CDH13: variants seen among roughly 807,000 people sequenced by gnomAD.
The protein encoded by CDH13 is cadherin 13.
Under a neutral mutation model 63.8 loss-of-function variants are expected in CDH13, and 24 were observed. That is an observed-to-expected ratio of 0.38 (90% CI 0.27 to 0.53). The LOEUF (loss-of-function observed/expected upper bound fraction) is 0.53. CDH13 is among the 20% of genes least tolerant of loss of function. CDH13 has a pLI of 0.85. For missense variants in CDH13, 1,049 were observed against 903.1 expected (o/e 1.16, Z -2.07); for synonymous variants, 503 against 355.3 (o/e 1.42, Z -4.67).
intron 4 of CDH13, among the ~76,000 whole-genome samples, chr16:83,188,602 C>G (rs1184299965): frequency 6.6e-6 from 1 of 152,118 alleles, no homozygotes; most frequent in Non-Finnish European, 1.5e-5. Flanking sequence ...CCAAACCTGT[C>G]CTTTTTCTAC....
intron 1 of CDH13, among the ~76,000 whole-genome samples, chr16:82,857,537 A>G (rs1199636130): frequency 6.6e-6 from 1 of 152,188 alleles, no homozygotes; most frequent in Non-Finnish European, 1.5e-5. Flanking sequence ...TATACATCTC[A>G]TACATTATGT....
intron 5 of CDH13, among the ~76,000 whole-genome samples, chr16:83,280,799 A>G (rs1275645958): frequency 1.3e-5 from 2 of 152,230 alleles, no homozygotes; most frequent in Non-Finnish European, 2.9e-5. Flanking sequence ...ACACAAAAAC[A>G]TTACTCTTGG....
chr16:82,936,171 G>T lies in CDH13; in HGVS notation c.157+77698G>T, dbSNP rs552393005. Among the ~76,000 whole-genome samples the T allele has an allele frequency of 2.5e-3, 373 of 152,242 alleles. 1 individual carries two copies. Among genetic ancestry groups the T allele is most frequent in the Non-Finnish European group, 4.4e-3 (302 of 68,024 alleles). ...TGAACATGTCTAGTCCTTAGTTCCT[G>T]CCAGCATTCACCTGTGCAAGTCTCC... On this transcript the variant is annotated intron_variant, in intron 2 of 13. Coordinates refer to ENST00000567109, the MANE Select transcript of CDH13 (RefSeq NM_001257.5).
chr16:83,570,847 T>A (rs1336674637), intron 7 of CDH13, among the ~76,000 whole-genome samples: 1 of 140,448 alleles, frequency 7.1e-6, no homozygotes, highest in Non-Finnish European at 1.5e-5. Context: ...TATTTTTATA[T>A]ATATAAATAT....
intron 1 of CDH13, among the ~76,000 whole-genome samples, chr16:82,789,816 C>T (rs944084039): frequency 1.3e-5 from 2 of 152,078 alleles, no homozygotes; most frequent in East Asian, 3.9e-4. Context: ...GTCTCAGGTC[C>T]CAATAGCAGT....
At chr16:83,081,434 C>T (rs1366159179) in intron 3 of CDH13, among the ~76,000 whole-genome samples, 1 of 147,360 alleles carries the variant, frequency 6.8e-6, no homozygotes, top group Admixed American at 6.6e-5. Context: ...ATCATATTAC[C>T]AGCGTTTAGA....
intron 4 of CDH13, among the ~76,000 whole-genome samples, chr16:83,162,158 CTGGAAT>C (rs2037475207): frequency 6.6e-6 from 1 of 152,140 alleles, no homozygotes; most frequent in Non-Finnish European, 1.5e-5. Context: ...TAACCAAGTA[CTGGAAT>C]CTGTTTTACA....
chr16:82,741,113 C>T (rs982696652), intron 1 of CDH13, among the ~76,000 whole-genome samples: 1 of 152,144 alleles, frequency 6.6e-6, no homozygotes, highest in Non-Finnish European at 1.5e-5. Context: ...ATCTTCCTTT[C>T]CTTCCACTTT....
At chr16:82,981,659 CATAAA>C (rs1486920658) in intron 2 of CDH13, among the ~76,000 whole-genome samples, 3 of 152,064 alleles carry the variant, frequency 2.0e-5, no homozygotes, top group African/African-American at 7.2e-5. Context: ...TGAAAAACAC[CATAAA>C]ATAAAATTTT....
chr16:83,038,387 C>G (rs963021658), intron 3 of CDH13, among the ~76,000 whole-genome samples: 3 of 152,194 alleles, frequency 2.0e-5, no homozygotes, highest in African/African-American at 2.4e-5. Flanking sequence ...TAGTACCTGC[C>G]TGGCTTATGT....
chr16:83,657,434 C>T (rs1912966131), intron 8 of CDH13, among the ~76,000 whole-genome samples: 1 of 152,124 alleles, frequency 6.6e-6, no homozygotes, highest in South Asian at 2.1e-4. Flanking sequence ...AGGCAGAATC[C>T]CACTGAGTTC....
intron 3 of CDH13, among the ~76,000 whole-genome samples, chr16:83,090,509 G>T (rs893463243): frequency 6.6e-6 from 1 of 150,728 alleles, no homozygotes; most frequent in African/African-American, 2.4e-5. Flanking sequence ...AGGAGGCAGA[G>T]GTTGCAGTGA....
At chr16:83,050,350 A>G (rs1226686551) in intron 3 of CDH13, among the ~76,000 whole-genome samples, 2 of 151,952 alleles carry the variant, frequency 1.3e-5, no homozygotes, top group Non-Finnish European at 2.9e-5. Context: ...TCTATATTCA[A>G]CTCTTTGAGA....
At chr16:83,701,030 T>C (rs1356538301) in intron 10 of CDH13, among the ~76,000 whole-genome samples, 2 of 152,220 alleles carry the variant, frequency 1.3e-5, no homozygotes, top group East Asian at 1.9e-4. Flanking sequence ...TGAGGATGTA[T>C]GGCCCTGAGC....
At chr16:82,753,472 C>T (rs978974085) in intron 1 of CDH13, among the ~76,000 whole-genome samples, 1 of 152,150 alleles carries the variant, frequency 6.6e-6, no homozygotes, top group Non-Finnish European at 1.5e-5. Context: ...GAAATGGGCA[C>T]ATTTCCCCTG....
chr16:83,145,965 G>T (rs6565138), intron 4 of CDH13, among the ~76,000 whole-genome samples: 1 of 151,890 alleles, frequency 6.6e-6, no homozygotes, highest in Non-Finnish European at 1.5e-5. Context: ...AGGCCGAGGC[G>T]GGTGGATTAC....
At chr16:83,401,478 C>T (rs1416197960) in intron 6 of CDH13, among the ~76,000 whole-genome samples, 2 of 152,038 alleles carry the variant, frequency 1.3e-5, no homozygotes, top group Non-Finnish European at 2.9e-5. Context: ...CATCACTGCA[C>T]TCCAGCCTGG....
At chr16:83,544,904 C>T (rs186133038) in intron 7 of CDH13, among the ~76,000 whole-genome samples, 12 of 152,304 alleles carry the variant, frequency 7.9e-5, no homozygotes, top group Admixed American at 5.9e-4. Context: ...GTTAGTTCTT[C>T]TCCCCGTTAG....
chr16:82,990,511 C>G (rs1911530189), intron 2 of CDH13, among the ~76,000 whole-genome samples: 1 of 151,116 alleles, frequency 6.6e-6, no homozygotes, highest in Non-Finnish European at 1.5e-5. Flanking sequence ...AAGCTTCCAT[C>G]TCTTCCTTGT....
Sources: gnomAD v4.1 joint callset for allele counts (sites outside exome capture counted in the v4.1 genomes callset) on GRCh38, gnomAD v4.1.1 for gene constraint, MANE v1.5 for transcripts, NCBI Gene and HGNC (gene_info 2026-07-23, HGNC 2026-07-21) for gene names.